Variants in DRC7 observed in about 807,000 individuals in gnomAD.
The protein encoded by DRC7 is coiled-coil domain containing 135.
A neutral mutation model predicts 104.4 loss-of-function variants in DRC7; 80 were observed. The observed-to-expected ratio is 0.77, with a 90% CI of 0.64 to 0.92. The LOEUF is 0.92. DRC7 is among the 40% of genes least tolerant of loss of function. The pLI is 0.00. For missense variants in DRC7, 1,034 were observed against 1,141.1 expected, an observed-to-expected ratio of 0.91 and a Z score of 1.35; for synonymous variants, 405 against 447.3, an observed-to-expected ratio of 0.91 and a Z score of 1.19.
chr16:57,697,049 A>G (rs531857018), intron 2 of DRC7, among the ~76,000 whole-genome samples: 1 of 152,124 alleles, frequency 6.6e-6, no homozygotes, highest in South Asian at 2.1e-4. Flanking sequence ...AGTAGCTGGG[A>G]TTACAGGCGT....
chr16:57,716,597 T>C (rs758787443), intron 8 of DRC7, among the ~76,000 whole-genome samples: 2 of 151,580 alleles, frequency 1.3e-5, no homozygotes, highest in Non-Finnish European at 2.9e-5. Flanking sequence ...CGCTGTGACA[T>C]CTACCAGCAG....
At chr16:57,717,837 G>A (rs1597806013) in intron 8 of DRC7, among the ~76,000 whole-genome samples, 1 of 152,096 alleles carries the variant, frequency 6.6e-6, no homozygotes, top group South Asian at 2.1e-4. Context: ...CACCATGCCC[G>A]GCTCTCCACC....
At chr16:57,712,676 T>A (rs1171566531) in intron 8 of DRC7, among the ~76,000 whole-genome samples, 2 of 150,854 alleles carry the variant, frequency 1.3e-5, no homozygotes, top group Non-Finnish European at 1.5e-5. Flanking sequence ...TTTGTTTTGT[T>A]TTTTTTTTGA....
rs201071178 is a variant in DRC7 at position 57,698,825 on chromosome 16, T to C, written c.204-25T>C. Reference sequence around the variant, plus strand: ...TCCTGTGTGCCAGGCATGGCTTCCCTAATGCCATCCCTGTTGTGGCACAGG... The same window carrying C: ...TCCTGTGTGCCAGGCATGGCTTCCCCAATGCCATCCCTGTTGTGGCACAGG... On this transcript the variant is annotated intron_variant, in intron 3 of 18. Transcript: ENST00000360716. 1.2e-4 allele frequency: 201 copies of C among 1,609,026 alleles called. 1 individual carries two copies. The highest frequency in any genetic ancestry group is 1.8e-5 in the Non-Finnish European group (21 of 1,176,402).
At chr16:57,707,742 A>C in intron 8 of DRC7, 64 bp downstream of exon 8, 3 of 1,453,564 alleles carry the variant, frequency 2.1e-6, no homozygotes, top group Non-Finnish European at 2.9e-6. Context: ...GAATAGAGGG[A>C]AGCAATGGCA....
intron 8 of DRC7, among the ~76,000 whole-genome samples, chr16:57,709,631 G>GT (rs2048772118): frequency 6.6e-6 from 1 of 151,746 alleles, no homozygotes; most frequent in African/African-American, 2.4e-5. Context: ...GACTGATTGT[G>GT]TTCCCCCCTT....
intron 17 of DRC7, among the ~76,000 whole-genome samples, chr16:57,729,598 ATGGATGGGTGAG>A (rs1479332044): frequency 3.9e-5 from 2 of 50,878 alleles, no homozygotes; most frequent in African/African-American, 2.4e-4. Context: ...GGGTGGATGG[ATGGATGGGTGAG>A]TGAGTGGGTG....
chr16:57,698,927 T>C lies in DRC7; in HGVS notation c.281T>C (p.Leu94Pro), dbSNP rs1220212354. The change falls in exon 4 of 19, where the codon CTG (leucine) becomes CCG (proline). Residue 94 changes from leucine to proline, a missense_variant. Leu to Pro is a moderately conservative substitution (Grantham distance 98). Coordinates refer to ENST00000360716, the MANE Select transcript of DRC7 (RefSeq NM_001289162.2). ...YKTNTPKEEH[L>P]LQVADNFSRQ... is the part of the protein sequence containing the mutation. ...ACCAACACACCCAAGGAGGAACACC[T>C]GCTGCAGGTGGCAGACAACTTCTCC... 1 of 1,614,152 alleles carries C rather than the reference T, an allele frequency of 6.2e-7. No individual in the cohort carries two copies. Among genetic ancestry groups the C allele is most frequent in the Admixed American group, 1.7e-5 (1 of 60,032 alleles).
intron 2 of DRC7, among the ~76,000 whole-genome samples, chr16:57,696,920 A>G (rs1254819350): frequency 6.6e-6 from 1 of 151,978 alleles, no homozygotes; most frequent in Non-Finnish European, 1.5e-5. Context: ...CTATTTATTT[A>G]TTATTTATTT....
At chr16:57,726,498 C>G (rs987138256) in intron 14 of DRC7, 1 of 587,404 alleles carries the variant, frequency 1.7e-6, no homozygotes, top group African/African-American at 1.9e-5. Context: ...AAAGCGAACT[C>G]AGCAGGCTAA....
chr16:57,697,165 G>A (rs1015968219), intron 2 of DRC7, among the ~76,000 whole-genome samples: 2 of 151,928 alleles, frequency 1.3e-5, no homozygotes, highest in African/African-American at 4.8e-5. Context: ...CACCTGCCTC[G>A]GCCTCCCAAA....
intron 8 of DRC7, among the ~76,000 whole-genome samples, chr16:57,715,720 G>A (rs1375867373): frequency 2.6e-5 from 4 of 152,194 alleles, no homozygotes; most frequent in African/African-American, 9.6e-5. Context: ...CACAGAGGGG[G>A]CAGAGCCGAC....
Position 57,698,163 on chromosome 16 carries a change from CA to C in DRC7, c.203+12del. ...CTCAGCGGAGCTCCCGTGAGTGTGG[CA>C]GGGTGGGGGCCCTGGCAAGGGTAGA... On this transcript the variant is annotated intron_variant, in intron 3 of 18. Transcript: ENST00000360716. The C allele has an allele frequency of 2.5e-6, 4 of 1,613,796 alleles. No individual in the cohort carries two copies. The highest frequency in any genetic ancestry group is 3.4e-6 in the Non-Finnish European group (4 of 1,179,944).
At chr16:57,697,646 T>C (rs1331022620) in intron 2 of DRC7, among the ~76,000 whole-genome samples, 1 of 152,210 alleles carries the variant, frequency 6.6e-6, no homozygotes, top group African/African-American at 2.4e-5. Flanking sequence ...TTCCCTGTCC[T>C]GTCCTGAGGA....
chr16:57,707,377 TCCCCAG>T, intron 7 of DRC7, 77 bp from the exon 8 acceptor site: 1 of 1,308,652 alleles, frequency 7.6e-7, no homozygotes, highest in Non-Finnish European at 1.1e-6. Flanking sequence ...TCCTGCTGGT[TCCCCAG>T]CCCCAGGGAG....
chr16:57,721,836 A>G, intron 10 of DRC7, 97 bp downstream of exon 10: 5 of 837,464 alleles, frequency 6.0e-6, no homozygotes, highest in Non-Finnish European at 9.7e-6. Flanking sequence ...ACAGCAGGGA[A>G]TGCCATGCCC....
chr16:57,701,978 A>G lies in DRC7; in HGVS notation c.547A>G (p.Lys183Glu), dbSNP rs763068386. 2 of 1,614,142 alleles carry G rather than the reference A, an allele frequency of 1.2e-6. No homozygotes were observed. The highest frequency in any genetic ancestry group is 1.3e-5 in the African/African-American group (1 of 75,026). ...CTCGACCACTGTGCTCAAGTACCAGAAGGGGAACTGCTTTGACTTCAGTAC... is the reference window on the plus strand; with the variant it reads ...CTCGACCACTGTGCTCAAGTACCAGGAGGGGAACTGCTTTGACTTCAGTAC... Reference protein sequence around the residue: ...YSSTTVLKYQKGNCFDFSTLL... With the variant: ...YSSTTVLKYQEGNCFDFSTLL... Residue 183 changes from lysine to glutamate, a missense_variant, in exon 6 of 19, where the codon AAG becomes GAG. By Grantham distance (56) the Lys-to-Glu change is moderately conservative. Coordinates refer to ENST00000360716, the MANE Select transcript of DRC7 (RefSeq NM_001289162.2).
intron 13 of DRC7, 122 bp downstream of exon 13, chr16:57,724,957 C>T: frequency 1.5e-6 from 1 of 677,206 alleles, no homozygotes; most frequent in Non-Finnish European, 2.5e-6. Context: ...CCAAGGGCAC[C>T]AATGATGAAC....
At chr16:57,699,418 C>T (rs1217002210) in intron 4 of DRC7, among the ~76,000 whole-genome samples, 1 of 152,096 alleles carries the variant, frequency 6.6e-6, no homozygotes. Context: ...TCTGTGGGTC[C>T]CTGTCAGCTC....
Sources: allele counts gnomAD v4.1 joint callset (sites outside exome capture counted in the v4.1 genomes callset), GRCh38; gene constraint gnomAD v4.1.1; transcripts MANE v1.5; gene names NCBI Gene and HGNC (gene_info 2026-07-23, HGNC 2026-07-21).